The following ITFG1 variants were observed in gnomAD, a reference collection of about 807,000 sequenced individuals.
ITFG1 encodes the protein integrin alpha FG-GAP repeat containing 1, also known as T-cell immunomodulatory protein.
In ITFG1, 34 loss-of-function variants were observed where a neutral mutation model predicts 81.8. That is an observed-to-expected ratio of 0.42 (90% CI 0.32 to 0.55). The LOEUF is 0.55. Ranked by LOEUF, ITFG1 falls within the 20% of genes least tolerant of loss-of-function variation. The pLI is 0.17. For missense variants in ITFG1, 672 were observed against 755.4 expected (o/e 0.89, Z 1.29); for synonymous variants, 285 against 270.6 (o/e 1.05, Z -0.52).
intron 2 of ITFG1, among the ~76,000 whole-genome samples, chr16:47,454,462 G>A (rs1024347116): frequency 2.6e-5 from 4 of 152,066 alleles, no homozygotes; most frequent in Admixed American, 2.0e-4. Context: ...CCTTTGTCAA[G>A]GACACCAAGA....
chr16:47,398,382 A>G (rs1355559354), intron 6 of ITFG1, among the ~76,000 whole-genome samples: 2 of 152,192 alleles, frequency 1.3e-5, no homozygotes. Context: ...AATATTCACT[A>G]AAGCTAAAAC....
chr16:47,276,996 C>A (rs946698074), intron 10 of ITFG1, among the ~76,000 whole-genome samples: 1 of 152,064 alleles, frequency 6.6e-6, no homozygotes, highest in African/African-American at 2.4e-5. Flanking sequence ...GCTGAGATTG[C>A]AAACAAAATA....
Position 47,181,625 on chromosome 16 carries a change from GCCC to G in ITFG1, c.1454-18964_1454-18962del, listed in dbSNP as rs1342183598. Among the ~76,000 whole-genome samples the G allele has an allele frequency of 3.5e-3, 528 of 150,888 alleles. 5 individuals carry two copies. The highest frequency in any genetic ancestry group is 0.021 in the Middle Eastern group (6 of 290). ...AGGTGAGGGGCGCCTCTGCCCGGCC[GCCC>G]CTACTGGGAAGTGAGGAGCCCCTCT... is the stretch of plus-strand genomic sequence containing the variant. On this transcript the variant is annotated intron_variant, in intron 14 of 17. Coordinates refer to ENST00000320640, the MANE Select transcript of ITFG1 (RefSeq NM_030790.5).
intron 13 of ITFG1, among the ~76,000 whole-genome samples, chr16:47,226,403 G>C (rs1473830276): frequency 1.3e-5 from 2 of 152,078 alleles, no homozygotes; most frequent in African/African-American, 4.8e-5. Context: ...TTAAGTTTTA[G>C]GGTACATGTG....
chr16:47,380,511 A>G (rs948979933), intron 6 of ITFG1, among the ~76,000 whole-genome samples: 2 of 152,202 alleles, frequency 1.3e-5, no homozygotes, highest in African/African-American at 4.8e-5. Context: ...CTGCACTCTG[A>G]ATTAAGTCAA....
intron 17 of ITFG1, 41 bp downstream of exon 17, chr16:47,158,832 A>C (rs762435368): frequency 1.8e-6 from 2 of 1,112,802 alleles, no homozygotes; most frequent in East Asian, 2.4e-5. Context: ...TATTACTAGA[A>C]TAAATTAACC....
chr16:47,220,098 G>C (rs967260652), intron 13 of ITFG1, among the ~76,000 whole-genome samples: 2 of 152,134 alleles, frequency 1.3e-5, no homozygotes, highest in Non-Finnish European at 2.9e-5. Flanking sequence ...AAAAAAATCA[G>C]GTCAGCATGT....
chr16:47,215,551 C>A (rs1263194405), intron 14 of ITFG1, among the ~76,000 whole-genome samples: 2 of 152,170 alleles, frequency 1.3e-5, no homozygotes, highest in Non-Finnish European at 2.9e-5. Flanking sequence ...TTGTCCTACA[C>A]ACAGACACAC....
At chr16:47,278,731 G>A (rs1226143696) in intron 10 of ITFG1, among the ~76,000 whole-genome samples, 2 of 152,168 alleles carry the variant, frequency 1.3e-5, no homozygotes, top group Non-Finnish European at 2.9e-5. Flanking sequence ...GCAATGGGGA[G>A]GAAGGGAGAG....
chr16:47,318,389 T>C (rs1967398217), intron 8 of ITFG1, among the ~76,000 whole-genome samples: 1 of 152,196 alleles, frequency 6.6e-6, no homozygotes, highest in Non-Finnish European at 1.5e-5. Context: ...GATTCTCTAT[T>C]GATATGCAAA....
chr16:47,435,287 T>A (rs918979710), intron 5 of ITFG1, among the ~76,000 whole-genome samples: 3 of 152,184 alleles, frequency 2.0e-5, no homozygotes, highest in African/African-American at 7.2e-5. Context: ...TAAAGTATAA[T>A]ATTTTCATAT....
chr16:47,333,550 G>A (rs553851841), intron 8 of ITFG1, among the ~76,000 whole-genome samples: 10 of 152,208 alleles, frequency 6.6e-5, no homozygotes, highest in South Asian at 2.1e-4. Flanking sequence ...GCAAACATTC[G>A]TTATAAAATT....
chr16:47,425,013 G>A (rs916179826), intron 6 of ITFG1, among the ~76,000 whole-genome samples: 2 of 152,162 alleles, frequency 1.3e-5, no homozygotes, highest in East Asian at 1.9e-4. Context: ...GCTGTCCGCC[G>A]CCTTTTGTTC....
chr16:47,223,887 A>G (rs1965725588), intron 13 of ITFG1, among the ~76,000 whole-genome samples: 1 of 152,186 alleles, frequency 6.6e-6, no homozygotes, highest in Non-Finnish European at 1.5e-5. Context: ...ATGCAGTCAT[A>G]AAAAATGATG....
rs568599517 is a variant in ITFG1 at position 47,184,058 on chromosome 16, C to T, written c.1454-21394G>A. Among the ~76,000 whole-genome samples the T allele has an allele frequency of 2.6e-5, 4 of 151,708 alleles. No individual in the cohort carries two copies. The East Asian group carries it at 5.8e-4, about 22-fold the overall frequency. ...ATCAGCAATGAAAGATGAAATGAAG[C>T]GAGAAGGGAAGTTTAGAGAAAAAAG... On this transcript the variant is annotated intron_variant, in intron 14 of 17. Coordinates refer to ENST00000320640, the MANE Select transcript of ITFG1 (RefSeq NM_030790.5).
intron 6 of ITFG1, among the ~76,000 whole-genome samples, chr16:47,416,992 T>C (rs779887331): frequency 6.6e-6 from 1 of 152,234 alleles, no homozygotes; most frequent in Non-Finnish European, 1.5e-5. Flanking sequence ...TATTGCTACA[T>C]AGTAGTTCAT....
chr16:47,455,694 A>G (rs944958249), intron 2 of ITFG1, among the ~76,000 whole-genome samples: 2 of 148,266 alleles, frequency 1.3e-5, no homozygotes, highest in Non-Finnish European at 3.0e-5. Context: ...GCTTGAACCC[A>G]GGAGGTGGAG....
At chr16:47,410,789 C>G (rs1350597824) in intron 6 of ITFG1, among the ~76,000 whole-genome samples, 1 of 152,206 alleles carries the variant, frequency 6.6e-6, no homozygotes, top group East Asian at 1.9e-4. Context: ...GGAGAGTAGG[C>G]AGAGACAGAG....
intron 13 of ITFG1, among the ~76,000 whole-genome samples, chr16:47,233,761 C>T (rs943941007): frequency 6.6e-6 from 1 of 152,220 alleles, no homozygotes; most frequent in African/African-American, 2.4e-5. Flanking sequence ...AGCCCAGGGA[C>T]ACAGGTTCAC....
Sources: gnomAD v4.1 joint callset for allele counts (sites outside exome capture counted in the v4.1 genomes callset) on GRCh38, gnomAD v4.1.1 for gene constraint, MANE v1.5 for transcripts, NCBI Gene and HGNC (gene_info 2026-07-23, HGNC 2026-07-21) for gene names.